The following SEMA3C variants were observed in gnomAD, a reference collection of about 807,000 sequenced individuals.
SEMA3C encodes the protein semaphorin-3C.
Under a neutral mutation model 89.4 loss-of-function variants are expected in SEMA3C, and 47 were observed. The ratio of observed to expected loss-of-function variants is 0.53; its 90% CI spans 0.42 to 0.67. The LOEUF is 0.67. Among genes scored for constraint, SEMA3C ranks in the 30% least tolerant of loss-of-function variants. The pLI is 0.00. For missense variants in SEMA3C, 839 were observed against 929.1 expected, an observed-to-expected ratio of 0.90 and a Z score of 1.26; for synonymous variants, 310 against 320.2, an observed-to-expected ratio of 0.97 and a Z score of 0.34.
At chr7:80,880,016 C>T (rs1791296110) in intron 2 of SEMA3C, among the ~76,000 whole-genome samples, 1 of 152,182 alleles carries the variant, frequency 6.6e-6, no homozygotes, top group Non-Finnish European at 1.5e-5. Context: ...TTCTCTCACT[C>T]ACTCTGCTGG....
chr7:80,851,038 A>G (rs1425296125), intron 2 of SEMA3C, among the ~76,000 whole-genome samples: 1 of 151,884 alleles, frequency 6.6e-6, no homozygotes, highest in Non-Finnish European at 1.5e-5. Flanking sequence ...CCTCCCTCCG[A>G]TCTCTCCCTC....
intron 2 of SEMA3C, among the ~76,000 whole-genome samples, chr7:80,869,380 T>C (rs551567588): frequency 8.5e-5 from 13 of 152,232 alleles, no homozygotes; most frequent in Non-Finnish European, 1.6e-4. Context: ...GGTTCTTAAA[T>C]GTTAAAGATA....
intron 5 of SEMA3C, among the ~76,000 whole-genome samples, chr7:80,817,745 G>A (rs6945670): frequency 0.076 from 11,520 of 152,106 alleles, 467 homozygotes; most frequent in Non-Finnish European, 0.098. Flanking sequence ...TAAGATAAAA[G>A]TATGATTTGT....
chr7:80,781,627 ATTC>A (rs1319973992), intron 12 of SEMA3C, among the ~76,000 whole-genome samples: 13 of 152,130 alleles, frequency 8.5e-5, no homozygotes, highest in African/African-American at 2.7e-4. Context: ...CAGGCTGTGA[ATTC>A]TTCTCCTTGG....
chr7:80,763,700 A>G (rs1788235910), intron 13 of SEMA3C, among the ~76,000 whole-genome samples: 1 of 152,224 alleles, frequency 6.6e-6, no homozygotes, highest in Non-Finnish European at 1.5e-5. Flanking sequence ...TTAAAAATGA[A>G]GTGCTGCTAT....
intron 12 of SEMA3C, among the ~76,000 whole-genome samples, chr7:80,773,525 T>A (rs2117077420): frequency 6.6e-6 from 1 of 152,284 alleles, no homozygotes. Flanking sequence ...ATGAGGCCAT[T>A]CTTTTTAGGT....
upstream of SEMA3C, among the ~76,000 whole-genome samples, chr7:80,920,118 C>G (rs770707462): frequency 6.6e-6 from 1 of 152,198 alleles, no homozygotes; most frequent in Non-Finnish European, 1.5e-5. Flanking sequence ...CATAACCACA[C>G]ATCTACAGAA....
chr7:80,754,793 T>C (rs1788017354), intron 15 of SEMA3C, among the ~76,000 whole-genome samples: 1 of 151,960 alleles, frequency 6.6e-6, no homozygotes, highest in African/African-American at 2.4e-5. Flanking sequence ...GTTGTTGTTG[T>C]TTTAGACAGA....
At chr7:80,897,354 TGGATCTCCAGAG>T (rs1791764071) in intron 2 of SEMA3C, among the ~76,000 whole-genome samples, 1 of 152,164 alleles carries the variant, frequency 6.6e-6, no homozygotes, top group South Asian at 2.1e-4. Flanking sequence ...GAATAACAAG[TGGATCTCCAGAG>T]GGAAGTAGTG....
chr7:80,811,731 G>T (rs536560374), intron 5 of SEMA3C, among the ~76,000 whole-genome samples: 29 of 152,164 alleles, frequency 1.9e-4, no homozygotes, highest in African/African-American at 6.5e-4. Flanking sequence ...GCTTTAAGGA[G>T]ATTGGGAATG....
intron 11 of SEMA3C, 151 bp downstream of exon 11, chr7:80,797,941 T>G: frequency 4.6e-6 from 3 of 657,598 alleles, no homozygotes; most frequent in Non-Finnish European, 7.3e-6. Context: ...GAGGGTGAGG[T>G]GAGCTGAGAT....
intron 2 of SEMA3C, among the ~76,000 whole-genome samples, chr7:80,856,077 A>AT (rs1247144247): frequency 6.6e-6 from 1 of 152,094 alleles, no homozygotes; most frequent in Non-Finnish European, 1.5e-5. Flanking sequence ...TAGCAAAGGA[A>AT]TTTTTTATTA....
intron 2 of SEMA3C, among the ~76,000 whole-genome samples, chr7:80,836,167 G>A (rs947463616): frequency 1.3e-5 from 2 of 152,166 alleles, no homozygotes; most frequent in African/African-American, 4.8e-5. Flanking sequence ...TCTCAGTGAT[G>A]CTCTTCTCAC....
At chr7:80,882,336 C>T (rs1791362366) in intron 2 of SEMA3C, among the ~76,000 whole-genome samples, 1 of 150,230 alleles carries the variant, frequency 6.7e-6, no homozygotes, top group South Asian at 2.1e-4. Flanking sequence ...AGAGACTAAA[C>T]CATAGCAAGG....
intron 2 of SEMA3C, among the ~76,000 whole-genome samples, chr7:80,858,649 C>T (rs1790698942): frequency 6.6e-6 from 1 of 151,962 alleles, no homozygotes; most frequent in African/African-American, 2.4e-5. Flanking sequence ...TGAGAGTGCA[C>T]AAAATGAAAA....
intron 11 of SEMA3C, among the ~76,000 whole-genome samples, chr7:80,789,745 T>A (rs1264701889): frequency 6.6e-6 from 1 of 152,182 alleles, no homozygotes; most frequent in East Asian, 1.9e-4. Flanking sequence ...AGTCATTGTA[T>A]GTTATTCTGT....
At chr7:80,916,994 A>AT (rs1402772294) in intron 1 of SEMA3C, among the ~76,000 whole-genome samples, 175 bp from the exon 2 acceptor site, 1 of 152,186 alleles carries the variant, frequency 6.6e-6, no homozygotes. Flanking sequence ...TGTGGATTTG[A>AT]TTCATTTGTG....
intron 2 of SEMA3C, among the ~76,000 whole-genome samples, chr7:80,836,984 A>C (rs1790145504): frequency 6.6e-6 from 1 of 152,270 alleles, no homozygotes; most frequent in Admixed American, 6.5e-5. Flanking sequence ...TTTTAGTAAA[A>C]ATTTCAAAAT....
intron 2 of SEMA3C, among the ~76,000 whole-genome samples, chr7:80,909,928 C>A (rs1181891056): frequency 6.6e-6 from 1 of 152,096 alleles, no homozygotes; most frequent in African/African-American, 2.4e-5. Flanking sequence ...CAAATTACTG[C>A]TGAAAATCAG....
Sources: allele counts gnomAD v4.1 joint callset (sites outside exome capture counted in the v4.1 genomes callset), GRCh38; gene constraint gnomAD v4.1.1; transcripts MANE v1.5; gene names NCBI Gene and HGNC (gene_info 2026-07-23, HGNC 2026-07-21).